The following CNTN4 variants were observed in gnomAD, a reference collection of about 807,000 sequenced individuals.
The protein encoded by CNTN4 is contactin 4, also known as contactin-4.
CNTN4 carries 77 observed loss-of-function variants against 122.5 expected under a neutral mutation model. The observed-to-expected ratio is 0.63, with a 90% CI of 0.52 to 0.76. The LOEUF (loss-of-function observed/expected upper bound fraction) is 0.76, where lower values mean the gene tolerates loss of function less well. CNTN4 is among the 30% of genes least tolerant of loss of function. CNTN4 has a pLI of 0.00. For synonymous variants in CNTN4, 512 were observed against 447.0 expected (o/e 1.15, Z -1.83); for missense variants, 1,256 against 1,259.1 (o/e 1.00, Z 0.04).
At chr3:2,616,749 A>G (rs13075303) in intron 4 of CNTN4, among the ~76,000 whole-genome samples, 70,131 of 151,930 alleles carry the variant, frequency 0.46, 16,787 homozygotes, top group Middle Eastern at 0.52. Context: ...TATACTACAA[A>G]GCTACAGTAA....
intron 7 of CNTN4, among the ~76,000 whole-genome samples, chr3:2,858,184 A>G (rs2093635956): frequency 6.6e-6 from 1 of 152,222 alleles, no homozygotes; most frequent in Non-Finnish European, 1.5e-5. Flanking sequence ...AGTGTTTCTC[A>G]GAGTGTGGTC....
intron 2 of CNTN4, among the ~76,000 whole-genome samples, chr3:2,263,858 A>G (rs1425062686): frequency 4.9e-5 from 6 of 123,520 alleles, no homozygotes; most frequent in Admixed American, 8.0e-5. Flanking sequence ...TAGTTTTTGT[A>G]TATAAGTGAA....
chr3:2,238,679 T>G (rs2039777141), intron 2 of CNTN4: 1 of 151,062 alleles, frequency 6.6e-6, no homozygotes. Flanking sequence ...GAACCTAACT[T>G]ACTCCTGTAA....
intron 3 of CNTN4, among the ~76,000 whole-genome samples, chr3:2,383,039 C>T (rs763959427): frequency 1.3e-5 from 2 of 150,896 alleles, no homozygotes; most frequent in Admixed American, 6.6e-5. Context: ...TGTGCCACTG[C>T]ACTCCAGCCT....
At chr3:2,967,344 T>C (rs1692423899) in intron 13 of CNTN4, among the ~76,000 whole-genome samples, 1 of 152,154 alleles carries the variant, frequency 6.6e-6, no homozygotes, top group Admixed American at 6.5e-5. Context: ...GATTTTACAA[T>C]AGTGATATTA....
At chr3:2,652,728 A>T (rs1011179561) in intron 4 of CNTN4, among the ~76,000 whole-genome samples, 1 of 152,220 alleles carries the variant, frequency 6.6e-6, no homozygotes, top group East Asian at 1.9e-4. Flanking sequence ...TTAGTATGGT[A>T]TGTGATTTTT....
chr3:2,403,870 C>G (rs939287220), intron 3 of CNTN4, among the ~76,000 whole-genome samples: 2 of 152,130 alleles, frequency 1.3e-5, no homozygotes, highest in African/African-American at 4.8e-5. Flanking sequence ...ACCTAGAATT[C>G]TTTCTGCTCT....
intron 2 of CNTN4, among the ~76,000 whole-genome samples, chr3:2,321,906 A>G (rs985457426): frequency 6.6e-6 from 1 of 152,262 alleles, no homozygotes; most frequent in Non-Finnish European, 1.5e-5. Flanking sequence ...ATATAGTAGT[A>G]TTTGTGTATT....
At chr3:2,955,341 G>A (rs2094788436) in intron 13 of CNTN4, among the ~76,000 whole-genome samples, 1 of 152,176 alleles carries the variant, frequency 6.6e-6, no homozygotes, top group African/African-American at 2.4e-5. Context: ...AATTGCATGT[G>A]TCAGTCACGT....
intron 3 of CNTN4, among the ~76,000 whole-genome samples, chr3:2,351,236 G>T (rs2044602331): frequency 2.6e-5 from 4 of 152,138 alleles, no homozygotes; most frequent in Admixed American, 2.6e-4. Flanking sequence ...AAACTAGAAA[G>T]AGTGAACTCA....
At chr3:2,228,787 G>C (rs1451809100) in intron 2 of CNTN4, among the ~76,000 whole-genome samples, 1 of 152,096 alleles carries the variant, frequency 6.6e-6, no homozygotes, top group Non-Finnish European at 1.5e-5. Flanking sequence ...TGAGTATTTT[G>C]AGAGTGAGAT....
At chr3:2,362,533 A>G in intron 3 of CNTN4, 1 of 598,630 alleles carries the variant, frequency 1.7e-6, no homozygotes, top group South Asian at 1.4e-5. Context: ...GGTCATTCCT[A>G]AGAAGCCCAT....
intron 3 of CNTN4, among the ~76,000 whole-genome samples, chr3:2,472,991 T>G (rs2075730180): frequency 6.6e-6 from 1 of 151,994 alleles, no homozygotes; most frequent in African/African-American, 2.4e-5. Context: ...CCCAGTACTT[T>G]GGGAGGCCGA....
intron 2 of CNTN4, among the ~76,000 whole-genome samples, chr3:2,239,461 C>G (rs2039841320): frequency 6.6e-6 from 1 of 152,120 alleles, no homozygotes; most frequent in African/African-American, 2.4e-5. Context: ...AGTATCCTAT[C>G]CTGCTAGGCC....
At chr3:2,414,938 G>C (rs2047360003) in intron 3 of CNTN4, among the ~76,000 whole-genome samples, 1 of 152,148 alleles carries the variant, frequency 6.6e-6, no homozygotes, top group African/African-American at 2.4e-5. Flanking sequence ...AATAAACATT[G>C]AGTGAGCCTC....
intron 3 of CNTN4, among the ~76,000 whole-genome samples, chr3:2,427,853 G>C (rs1391277808): frequency 1.3e-5 from 2 of 151,832 alleles, no homozygotes; most frequent in Non-Finnish European, 2.9e-5. Context: ...TCTGATCTTT[G>C]TTGGTTTAAA....
intron 7 of CNTN4, among the ~76,000 whole-genome samples, chr3:2,837,356 A>C (rs1185767927): frequency 6.6e-6 from 1 of 152,158 alleles, no homozygotes; most frequent in African/African-American, 2.4e-5. Flanking sequence ...CTGAAGTTAA[A>C]ATAGCTGTCC....
chr3:2,167,698 ATAAAG>A (rs563428904), intron 2 of CNTN4, among the ~76,000 whole-genome samples: 141 of 152,346 alleles, frequency 9.3e-4, no homozygotes, highest in African/African-American at 3.0e-3. Flanking sequence ...TAATTGTAAA[ATAAAG>A]TAAATATGAT....
chr3:2,419,970 G>A (rs2047555067), intron 3 of CNTN4, among the ~76,000 whole-genome samples: 1 of 152,150 alleles, frequency 6.6e-6, no homozygotes, highest in Non-Finnish European at 1.5e-5. Context: ...TGTCCCAGGT[G>A]TGGATGCTGC....
Sources: gnomAD v4.1 joint callset for allele counts (sites outside exome capture counted in the v4.1 genomes callset) on GRCh38, gnomAD v4.1.1 for gene constraint, MANE v1.5 for transcripts, NCBI Gene and HGNC (gene_info 2026-07-23, HGNC 2026-07-21) for gene names.